The following LRRFIP2 variants were observed in gnomAD, a reference collection of about 807,000 sequenced individuals.
The protein encoded by LRRFIP2 is leucine-rich repeat flightless-interacting protein 2.
LRRFIP2 carries 109 observed loss-of-function variants against 125.9 expected under a neutral mutation model. That is an observed-to-expected ratio of 0.87 (90% CI 0.74 to 1.01). LRRFIP2 has a LOEUF of 1.01. Ranked by LOEUF, LRRFIP2 falls within the 50% of genes least tolerant of loss-of-function variation. The pLI, the probability that LRRFIP2 is intolerant of heterozygous loss-of-function variation, is 0.00. For missense variants in LRRFIP2, 850 were observed against 862.3 expected, an observed-to-expected ratio of 0.99 and a Z score of 0.18; for synonymous variants, 291 against 293.1, an observed-to-expected ratio of 0.99 and a Z score of 0.07.
chr3:37,082,995 C>T (rs2092759128), intron 19 of LRRFIP2, among the ~76,000 whole-genome samples: 1 of 152,126 alleles, frequency 6.6e-6, no homozygotes, highest in Admixed American at 6.5e-5. Context: ...TCTGCTTGAA[C>T]TGACATCAAC....
intron 19 of LRRFIP2, among the ~76,000 whole-genome samples, chr3:37,078,576 C>T (rs1576203833): frequency 6.6e-6 from 1 of 152,102 alleles, no homozygotes; most frequent in Non-Finnish European, 1.5e-5. Context: ...TGAACTGGAA[C>T]TATCAGCAAG....
At chr3:37,072,946 G>C in intron 20 of LRRFIP2, 64 bp from the exon 21 acceptor site, 1 of 1,051,248 alleles carries the variant, frequency 9.5e-7, no homozygotes, top group Non-Finnish European at 1.4e-6. Context: ...GGAGGTTTGA[G>C]GGAGGAAACA....
Position 37,075,066 on chromosome 3 carries a change from T to G in LRRFIP2, c.1329A>C (p.Glu443Asp). ...TTTGCCGCAGGCCTTCTTTAAGTTC[T>G]TCCATCTTATGCTGCAGCACACTAC... ...HMCSVLQHKM[E>D]ELKEGLRQRD... The change falls in exon 20 of 28, where the codon GAA (glutamate) becomes GAC (aspartate). Residue 443 changes from glutamate to aspartate, a missense_variant. Physicochemically the swap from Glu to Asp is conservative, Grantham distance 45. Coordinates refer to ENST00000336686, the MANE Select transcript of LRRFIP2 (RefSeq NM_006309.4). The G allele has an allele frequency of 6.2e-7, 1 of 1,613,012 alleles. No homozygotes were observed. Among genetic ancestry groups the G allele is most frequent in the Non-Finnish European group, 8.5e-7 (1 of 1,179,848 alleles).
rs1287769423 is a variant in LRRFIP2 at position 37,057,943 on chromosome 3, TGAATA to T, written c.1870+842_1870+846del. 4.6e-5 allele frequency among the ~76,000 whole-genome samples: 7 copies of T among 152,246 alleles called. No homozygotes were observed. In the East Asian group the frequency reaches 7.7e-4, roughly 17 times the overall value. On this transcript the variant is annotated intron_variant, in intron 25 of 27. Coordinates refer to ENST00000336686, the MANE Select transcript of LRRFIP2 (RefSeq NM_006309.4). ...AAAAACTGGAATAATTCGGGTAAAA[TGAATA>T]GAATAGACTTTATTTTGTGGACTTA... is the stretch of plus-strand genomic sequence containing the variant.
At chr3:37,119,943 T>C (rs1316328543) in intron 6 of LRRFIP2, among the ~76,000 whole-genome samples, 1 of 152,164 alleles carries the variant, frequency 6.6e-6, no homozygotes, top group Non-Finnish European at 1.5e-5. Flanking sequence ...ATTACAGATG[T>C]GAGCCACCGC....
rs780628064 is a variant in LRRFIP2, at chr3:37,066,276, T to C, written c.1514A>G (p.Asp505Gly). The change falls in exon 22 of 28, where the codon GAT becomes GGT. Residue 505 changes from aspartate (D) to glycine (G), a missense_variant. Coordinates refer to ENST00000336686, the MANE Select transcript of LRRFIP2 (RefSeq NM_006309.4). ...EYIACLRNERDMLREELADLQ... is the reference protein window; with the variant it reads ...EYIACLRNERGMLREELADLQ... ...GTCAGCCAGCTCCTCTCTGAGCATA[T>C]CTCGCTCATTCCTAAGGCAGGCAAT... The C allele has an allele frequency of 2.5e-6, 4 of 1,614,182 alleles. No individual in the cohort carries two copies. Among genetic ancestry groups the C allele is most frequent in the Non-Finnish European group, 3.4e-6 (4 of 1,179,996 alleles).
chr3:37,119,859 G>T (rs1302180928), intron 6 of LRRFIP2, among the ~76,000 whole-genome samples: 1 of 151,746 alleles, frequency 6.6e-6, no homozygotes, highest in Non-Finnish European at 1.5e-5. Context: ...AGGGGTTTTT[G>T]CCATGTTGGC....
At chr3:37,134,624 G>A (rs536056790) in intron 2 of LRRFIP2, 9 of 593,706 alleles carry the variant, frequency 1.5e-5, no homozygotes, top group African/African-American at 9.2e-5. Context: ...AGCACATACC[G>A]AGAGAGTGAG....
intron 23 of LRRFIP2, chr3:37,065,575 C>G: frequency 3.0e-6 from 2 of 662,742 alleles, no homozygotes; most frequent in Non-Finnish European, 5.6e-6. Flanking sequence ...GCCCATAGTA[C>G]TTCCATCCAC....
intron 1 of LRRFIP2, chr3:37,173,009 G>C (rs951964101): frequency 4.6e-5 from 7 of 152,082 alleles, no homozygotes; most frequent in African/African-American, 1.7e-4. Flanking sequence ...TGGCTAACAG[G>C]GTGAAACCCC....
At chr3:37,130,109 T>G (rs1241461383) in intron 2 of LRRFIP2, among the ~76,000 whole-genome samples, 2 of 152,180 alleles carry the variant, frequency 1.3e-5, no homozygotes, top group African/African-American at 4.8e-5. Flanking sequence ...CTGGTACCCA[T>G]TAGTAGTCAT....
chr3:37,106,463 T>C (rs1190093063), intron 13 of LRRFIP2, among the ~76,000 whole-genome samples: 1 of 152,132 alleles, frequency 6.6e-6, no homozygotes, highest in Non-Finnish European at 1.5e-5. Flanking sequence ...AACCCCAACC[T>C]GCAAATGAAA....
chr3:37,120,306 T>C (rs149540515), intron 6 of LRRFIP2, among the ~76,000 whole-genome samples: 3,367 of 152,174 alleles, frequency 0.022, 46 homozygotes, highest in Middle Eastern at 0.054. Context: ...GGTTTCACCA[T>C]GTTAGCCAGG....
chr3:37,090,078 C>A (rs1468962633), intron 18 of LRRFIP2, among the ~76,000 whole-genome samples: 1 of 152,130 alleles, frequency 6.6e-6, no homozygotes, highest in Admixed American at 6.6e-5. Context: ...CTGATAGTGG[C>A]GCTACTTCAA....
intron 1 of LRRFIP2, among the ~76,000 whole-genome samples, chr3:37,151,356 C>G (rs951551075): frequency 1.1e-4 from 17 of 149,230 alleles, no homozygotes; most frequent in Non-Finnish European, 2.4e-4. Context: ...AAGACTCCAT[C>G]TCAAAAAAAA....
intron 1 of LRRFIP2, among the ~76,000 whole-genome samples, chr3:37,156,399 C>T (rs2096194080): frequency 6.6e-6 from 1 of 151,250 alleles, no homozygotes. Flanking sequence ...TAGGGCCAGG[C>T]ACGGTGGCTC....
intron 4 of LRRFIP2, among the ~76,000 whole-genome samples, 192 bp from the exon 5 acceptor site, chr3:37,121,883 TG>T: frequency 7.3e-6 from 1 of 136,778 alleles, no homozygotes; most frequent in South Asian, 2.2e-4. Flanking sequence ...TGTGTGTGTG[TG>T]TGTAAGTTTC....
intron 6 of LRRFIP2, 109 bp from the exon 7 acceptor site, chr3:37,115,204 T>A: frequency 1.4e-6 from 1 of 691,422 alleles, no homozygotes; most frequent in Non-Finnish European, 2.4e-6. Flanking sequence ...TATTTTAAAA[T>A]AAAAAATTAT....
intron 17 of LRRFIP2, 58 bp from the exon 18 acceptor site, chr3:37,091,596 G>T (rs1467063052): frequency 1.9e-5 from 23 of 1,209,928 alleles, no homozygotes; most frequent in Admixed American, 4.3e-5. Context: ...ATCTTAAATC[G>T]CAAAGGATTC....
Sources: gnomAD v4.1 joint callset for allele counts (sites outside exome capture counted in the v4.1 genomes callset) on GRCh38, gnomAD v4.1.1 for gene constraint, MANE v1.5 for transcripts, NCBI Gene and HGNC (gene_info 2026-07-23, HGNC 2026-07-21) for gene names.